SAMD3: variants seen among roughly 807,000 people sequenced by gnomAD.
The protein encoded by SAMD3 is sterile alpha motif domain containing 3, also known as sterile alpha motif domain-containing protein 3.
In SAMD3, 63 loss-of-function variants were observed where a neutral mutation model predicts 58.5. That is an observed-to-expected ratio of 1.08 (90% confidence interval 0.88 to 1.33). SAMD3 has a LOEUF of 1.33. Ranked by LOEUF, SAMD3 falls within the 40% of genes most tolerant of loss-of-function variation. The pLI, the probability that SAMD3 is intolerant of heterozygous loss-of-function variation, is 0.00. For missense variants in SAMD3, 604 were observed against 608.4 expected, an observed-to-expected ratio of 0.99 and a Z score of 0.08; for synonymous variants, 220 against 210.3, an observed-to-expected ratio of 1.05 and a Z score of -0.40.
In SAMD3 at chr6:130,145,360, A is replaced by T. The variant is rs779302536; in HGVS notation, c.1258T>A (p.Phe420Ile). The change falls in exon 11 of 12, where the codon TTT becomes ATT. Residue 420 changes from phenylalanine (F) to isoleucine (I), a missense_variant. By Grantham distance (21) the Phe-to-Ile change is conservative. Coordinates refer to ENST00000439090, the MANE Select transcript of SAMD3 (RefSeq NM_001017373.4). ...PDVFGDDPSLFVIMNEQVQVS... is the reference protein window; with the variant it reads ...PDVFGDDPSLIVIMNEQVQVS... Reference sequence around the variant, plus strand: ...CATACCTGTTCATTCATGATGACAAAAAGGCTGGGATCATCCCCAAAAACA... The same window carrying T: ...CATACCTGTTCATTCATGATGACAATAAGGCTGGGATCATCCCCAAAAACA... 1 of 1,609,632 alleles carries T rather than the reference A, an allele frequency of 6.2e-7. No homozygotes were observed. The highest frequency in any genetic ancestry group is 8.5e-7 in the Non-Finnish European group (1 of 1,176,914).
intron 2 of SAMD3, among the ~76,000 whole-genome samples, chr6:130,243,553 T>C (rs1773436941): frequency 6.6e-6 from 1 of 152,220 alleles, no homozygotes. Context: ...TTTTTTCAGG[T>C]TAAGAAACAG....
intron 8 of SAMD3, among the ~76,000 whole-genome samples, chr6:130,165,745 TAAGAA>T (rs1289331620): frequency 6.6e-6 from 1 of 151,954 alleles, no homozygotes; most frequent in Non-Finnish European, 1.5e-5. Flanking sequence ...CTTTAGTAAT[TAAGAA>T]AAGAAAATGC....
At chr6:130,178,744 G>A (rs139181841) in intron 7 of SAMD3, among the ~76,000 whole-genome samples, 22 of 152,318 alleles carry the variant, frequency 1.4e-4, no homozygotes, top group African/African-American at 5.1e-4. Context: ...AACTGCACTA[G>A]CCTTTTGGGA....
intron 2 of SAMD3, among the ~76,000 whole-genome samples, chr6:130,277,853 G>C (rs1214711048): frequency 6.6e-6 from 1 of 152,140 alleles, no homozygotes; most frequent in Non-Finnish European, 1.5e-5. Flanking sequence ...CCTGGGTGTA[G>C]GGTGAATTAA....
chr6:130,293,643 A>C (rs550041086), intron 2 of SAMD3, among the ~76,000 whole-genome samples: 1 of 150,024 alleles, frequency 6.7e-6, no homozygotes, highest in African/African-American at 2.4e-5. Flanking sequence ...ATTTTTAAAA[A>C]CCAGTCCTGA....
chr6:130,207,833 G>A (rs1231145025), intron 5 of SAMD3, among the ~76,000 whole-genome samples: 1 of 152,204 alleles, frequency 6.6e-6, no homozygotes, highest in Non-Finnish European at 1.5e-5. Context: ...GGCTAGAGGT[G>A]AGGTCCAAGG....
rs370745745 is a variant in SAMD3 at position 130,165,966 on chromosome 6, TC to T, written c.822+9874del. ...TGCCCCATGTAGACCAGATACGACC[TC>T]CTTCATCCCAGGGTCAGGACAGTAA... On this transcript the variant is annotated intron_variant, in intron 8 of 11. Coordinates refer to ENST00000439090, the MANE Select transcript of SAMD3 (RefSeq NM_001017373.4). Among the ~76,000 whole-genome samples, 388 of 152,246 alleles carry T rather than the reference TC, an allele frequency of 2.5e-3. 5 individuals carry two copies. Among genetic ancestry groups the T allele is most frequent in the African/African-American group, 8.9e-3 (368 of 41,544 alleles).
intron 2 of SAMD3, among the ~76,000 whole-genome samples, chr6:130,293,099 T>C (rs1195843332): frequency 6.6e-6 from 1 of 152,216 alleles, no homozygotes; most frequent in Non-Finnish European, 1.5e-5. Flanking sequence ...TAAAATTATG[T>C]TTCAAGAGTT....
At chr6:130,153,198 A>G (rs1216425157) in intron 9 of SAMD3, among the ~76,000 whole-genome samples, 1 of 150,470 alleles carries the variant, frequency 6.6e-6, no homozygotes, top group Non-Finnish European at 1.5e-5. Context: ...TTAAAACTGT[A>G]TTTTGCAGAT....
chr6:130,173,318 T>TA (rs1289133571), intron 8 of SAMD3, among the ~76,000 whole-genome samples: 5 of 152,256 alleles, frequency 3.3e-5, no homozygotes, highest in African/African-American at 1.2e-4. Flanking sequence ...CTCATCTTCA[T>TA]GGATTTATCT....
At chr6:130,329,435 T>C (rs1776858739) in intron 1 of SAMD3, among the ~76,000 whole-genome samples, 2 of 152,072 alleles carry the variant, frequency 1.3e-5, no homozygotes, top group Non-Finnish European at 2.9e-5. Context: ...ATGAAATTTT[T>C]AAAAAGCCAA....
chr6:130,351,984 T>G (rs1777686731), intron 1 of SAMD3, among the ~76,000 whole-genome samples: 1 of 148,940 alleles, frequency 6.7e-6, no homozygotes, highest in Non-Finnish European at 1.5e-5. Context: ...AACACCGCAT[T>G]TTCTCACTCG....
intron 2 of SAMD3, among the ~76,000 whole-genome samples, chr6:130,272,210 C>A (rs1478570): frequency 0.31 from 47,075 of 151,760 alleles, 7,627 homozygotes; most frequent in East Asian, 0.47. Flanking sequence ...AAATGGCTGA[C>A]CATTATCCCA....
At chr6:130,343,166 T>C (rs1777322897) in intron 1 of SAMD3, among the ~76,000 whole-genome samples, 1 of 151,810 alleles carries the variant, frequency 6.6e-6, no homozygotes, top group Admixed American at 6.6e-5. Flanking sequence ...TTTCAAATAA[T>C]CTTTTTAACT....
chr6:130,283,755 G>A (rs1361602637), intron 2 of SAMD3, among the ~76,000 whole-genome samples: 2 of 152,138 alleles, frequency 1.3e-5, no homozygotes, highest in African/African-American at 2.4e-5. Context: ...AAGGATATAA[G>A]TAAGGAAAAA....
chr6:130,211,824 G>A (rs556804726), intron 4 of SAMD3, among the ~76,000 whole-genome samples: 1 of 151,388 alleles, frequency 6.6e-6, no homozygotes, highest in South Asian at 2.1e-4. Flanking sequence ...ATTGAGACCT[G>A]TCTCAGAGAC....
intron 1 of SAMD3, among the ~76,000 whole-genome samples, chr6:130,316,164 G>A (rs1383696349): frequency 2.6e-5 from 4 of 151,834 alleles, no homozygotes; most frequent in South Asian, 2.1e-4. Flanking sequence ...GGTGGCAGTC[G>A]CCTGTAACCC....
chr6:130,271,810 A>T (rs931630567), intron 2 of SAMD3, among the ~76,000 whole-genome samples: 3 of 152,222 alleles, frequency 2.0e-5, no homozygotes, highest in African/African-American at 7.2e-5. Flanking sequence ...GGAAGAGCTA[A>T]CGAACATCTT....
chr6:130,309,622 G>A (rs1776072892), intron 2 of SAMD3, among the ~76,000 whole-genome samples: 1 of 152,126 alleles, frequency 6.6e-6, no homozygotes. Context: ...ACCAAGCAGT[G>A]GAATTGAAAA....
Sources: gnomAD v4.1 joint callset for allele counts (sites outside exome capture counted in the v4.1 genomes callset) on GRCh38, gnomAD v4.1.1 for gene constraint, MANE v1.5 for transcripts, NCBI Gene and HGNC (gene_info 2026-07-23, HGNC 2026-07-21) for gene names.